Variants in CEP290 observed in about 807,000 individuals in gnomAD.
CEP290 encodes centrosomal protein of 290 kDa.
A neutral mutation model predicts 344.9 loss-of-function variants in CEP290; 317 were observed. The observed-to-expected ratio is 0.92, with a 90% CI of 0.84 to 1.01. CEP290 has a LOEUF of 1.01. Ranked by LOEUF, CEP290 falls within the 50% of genes least tolerant of loss-of-function variation. The probability of loss-of-function intolerance (pLI) is 0.00; values close to 1 mark genes in which losing one functional copy is unlikely to be tolerated. For missense variants in CEP290, 2,754 were observed against 2,761.4 expected (o/e 1.00, Z 0.06); for synonymous variants, 932 against 895.8 (o/e 1.04, Z -0.72).
chr12:88,127,132 G>C (rs1179833842), intron 11 of CEP290, among the ~76,000 whole-genome samples: 2 of 4,648 alleles, frequency 4.3e-4, no homozygotes, highest in East Asian at 0.1. Flanking sequence ...TTGGACAACA[G>C]AGTAGCTCTG....
At chr12:88,088,652 A>C (rs952522211) in intron 31 of CEP290, among the ~76,000 whole-genome samples, 1 of 152,158 alleles carries the variant, frequency 6.6e-6, no homozygotes, top group African/African-American at 2.4e-5. Context: ...AGCATTTTTC[A>C]TATAGGCATA....
Position 88,114,578 on chromosome 12 carries a change from T to C in CEP290, c.1910-16A>G. 1 of 1,523,826 alleles carries C rather than the reference T, an allele frequency of 6.6e-7. No individual in the cohort carries two copies. Among genetic ancestry groups the C allele is most frequent in the Non-Finnish European group, 8.8e-7 (1 of 1,134,544 alleles). 94.4% of individuals were successfully genotyped at this position (1,523,826 alleles called of 1,614,324 possible). On this transcript the variant is annotated splice_polypyrimidine_tract_variant and intron_variant, in intron 19 of 53. Coordinates refer to ENST00000552810, the MANE Select transcript of CEP290 (RefSeq NM_025114.4). The stretch of plus-strand genomic sequence containing the variant: ...AATTCTTTTACTGTAATTACACAGT[T>C]TTCTCATTGGATGATCAGATCTTTT...
intron 27 of CEP290, among the ~76,000 whole-genome samples, chr12:88,095,279 G>C (rs1218507757): frequency 6.6e-6 from 1 of 151,890 alleles, no homozygotes; most frequent in African/African-American, 2.4e-5. Context: ...TTAAAGAGAG[G>C]GTAGAGCACA....
At chr12:88,129,657 G>A (rs1565914036) in intron 10 of CEP290, 37 bp downstream of exon 10, 2 of 1,174,160 alleles carry the variant, frequency 1.7e-6, no homozygotes, top group Non-Finnish European at 2.4e-6. Context: ...ATAATATGAA[G>A]TCTGAATAAA....
intron 43 of CEP290, among the ~76,000 whole-genome samples, chr12:88,070,961 G>T (rs1461696399): frequency 1.3e-5 from 2 of 152,142 alleles, no homozygotes; most frequent in Non-Finnish European, 1.5e-5. Context: ...GATCTGAAGA[G>T]TATTGAAAAG....
intron 29 of CEP290, among the ~76,000 whole-genome samples, chr12:88,091,689 C>G (rs545960907): frequency 6.6e-6 from 1 of 152,044 alleles, no homozygotes; most frequent in South Asian, 2.1e-4. Context: ...AAAAAAGGGT[C>G]TTTCATAGTG....
At chr12:88,104,365 A>G (rs2038119445) in intron 25 of CEP290, among the ~76,000 whole-genome samples, 1 of 152,086 alleles carries the variant, frequency 6.6e-6, no homozygotes, top group Non-Finnish European at 1.5e-5. Context: ...ACTACAAGGT[A>G]AGGTATAAAA....
Position 88,090,762 on chromosome 12 carries a change from A to G in CEP290, c.3539T>C (p.Val1180Ala), listed in dbSNP as rs996255630. 5.8e-6 allele frequency: 9 copies of G among 1,561,830 alleles called. No individual in the cohort carries two copies. In the African/African-American group the frequency reaches 1.1e-4, roughly 19 times the overall value. ...NAQQQSRDKE[V>A]ESLRMQLLDY... ...TAGCAGTTGCATTCTGAGGGACTCT[A>G]CTTCCTTGTCCCTAGATTGTTGTTG... The change falls in exon 30 of 54, where the codon GTA becomes GCA. Residue 1180 changes from valine (V) to alanine (A), a missense_variant. Coordinates refer to ENST00000552810, the MANE Select transcript of CEP290 (RefSeq NM_025114.4).
chr12:88,112,487 C>G (rs2038761236), intron 20 of CEP290, among the ~76,000 whole-genome samples: 2 of 151,976 alleles, frequency 1.3e-5, no homozygotes, highest in African/African-American at 4.8e-5. Flanking sequence ...AATAATATGT[C>G]AAATATTAAA....
At chr12:88,132,212 C>G (rs748511057) in intron 6 of CEP290, among the ~76,000 whole-genome samples, 1 of 152,136 alleles carries the variant, frequency 6.6e-6, no homozygotes, top group African/African-American at 2.4e-5. Context: ...CATTATGATG[C>G]CTTTTTTCAC....
chr12:88,128,668 T>A (rs1164183698), intron 11 of CEP290, among the ~76,000 whole-genome samples: 2 of 152,150 alleles, frequency 1.3e-5, no homozygotes, highest in African/African-American at 2.4e-5. Context: ...TTTCGAATTA[T>A]ATATTTTAGA....
chr12:88,141,382 A>G, intron 1 of CEP290, 48 bp from the exon 2 acceptor site: 1 of 943,236 alleles, frequency 1.1e-6, no homozygotes, highest in Non-Finnish European at 1.6e-6. Flanking sequence ...ACACAGTATT[A>G]TTGGTTTTCT....
At chr12:88,129,946 T>C in intron 9 of CEP290, 70 bp from the exon 10 acceptor site, 1 of 1,011,822 alleles carries the variant, frequency 9.9e-7, no homozygotes, top group East Asian at 3.0e-5. Flanking sequence ...CAAATTAAAA[T>C]TAAACGCAGC....
At chr12:88,085,265 G>C (rs2036491838) in intron 34 of CEP290, among the ~76,000 whole-genome samples, 1 of 151,998 alleles carries the variant, frequency 6.6e-6, no homozygotes, top group African/African-American at 2.4e-5. Flanking sequence ...TGGAATTTTA[G>C]AGGCCCAACT....
intron 15 of CEP290, 24 bp downstream of exon 15, chr12:88,120,090 T>C (rs1401767309): frequency 1.4e-6 from 2 of 1,434,472 alleles, no homozygotes; most frequent in Non-Finnish European, 1.8e-6. Flanking sequence ...TTGCGCAAAC[T>C]ATGTAACTTA....
At chr12:88,126,580 C>T (rs2039746358) in intron 11 of CEP290, 142 bp from the exon 12 acceptor site, 7 of 496,696 alleles carry the variant, frequency 1.4e-5, no homozygotes, top group Non-Finnish European at 2.3e-5. Context: ...TGAGCAACTA[C>T]TGGCATAATC....
rs549992041 is a variant in CEP290 at position 88,082,211 on chromosome 12, G to A, written c.5012+820C>T. On this transcript the variant is annotated intron_variant, in intron 37 of 53. Coordinates refer to ENST00000552810, the MANE Select transcript of CEP290 (RefSeq NM_025114.4). Reference sequence around the variant, plus strand: ...AACCTATTTTGAGTTTAAAATCTACGTTCTGATAAAGTGGTTGAACAATGT... The same window carrying A: ...AACCTATTTTGAGTTTAAAATCTACATTCTGATAAAGTGGTTGAACAATGT... Among the ~76,000 whole-genome samples the A allele has an allele frequency of 7.2e-5, 11 of 152,244 alleles. No homozygotes were observed. The South Asian group carries it at 1.7e-3, about 23-fold the overall frequency.
chr12:88,110,252 T>C (rs910122795), intron 22 of CEP290, among the ~76,000 whole-genome samples: 5 of 152,088 alleles, frequency 3.3e-5, no homozygotes, highest in African/African-American at 1.2e-4. Context: ...AATAAAATAA[T>C]GAAAAGGATC....
At chr12:88,103,068 T>A in intron 25 of CEP290, 57 bp from the exon 26 acceptor site, 1 of 1,073,018 alleles carries the variant, frequency 9.3e-7, no homozygotes, top group Non-Finnish European at 1.3e-6. Context: ...GGTCAAGCAC[T>A]AGCCACTTTT....
Sources: allele counts gnomAD v4.1 joint callset (sites outside exome capture counted in the v4.1 genomes callset), GRCh38; gene constraint gnomAD v4.1.1; transcripts MANE v1.5; gene names NCBI Gene and HGNC (gene_info 2026-07-23, HGNC 2026-07-21).